Variants in SPATA6 observed in about 807,000 individuals in gnomAD.
SPATA6 encodes spermatogenesis associated 6.
A neutral mutation model predicts 65.3 loss-of-function variants in SPATA6; 56 were observed. That is an observed-to-expected ratio of 0.86 (90% CI 0.69 to 1.07). SPATA6 has a LOEUF of 1.07. SPATA6 is among the 50% of genes least tolerant of loss of function. The pLI is 0.00. For synonymous variants in SPATA6, 199 were observed against 213.2 expected (o/e 0.93, Z 0.58); for missense variants, 590 against 594.8 (o/e 0.99, Z 0.08).
chr1:48,399,082 T>C (rs1650885087), intron 7 of SPATA6: 4 of 336,766 alleles, frequency 1.2e-5, no homozygotes, highest in Admixed American at 4.4e-5. Context: ...AGCGTTATTA[T>C]GCTATCTATT....
At chr1:48,399,314 A>T in intron 7 of SPATA6, 37 bp downstream of exon 7, 1 of 1,571,062 alleles carries the variant, frequency 6.4e-7, no homozygotes, top group Non-Finnish European at 8.6e-7. Flanking sequence ...AAAAAAGCTG[A>T]TCAGTTTCAA....
chr1:48,366,277 C>T lies in SPATA6; in HGVS notation c.910-6507G>A, dbSNP rs536319874. 5.3e-5 allele frequency among the ~76,000 whole-genome samples: 8 copies of T among 152,074 alleles called. No individual in the cohort carries two copies. In the South Asian group the frequency reaches 1.0e-3, roughly 20 times the overall value. ...TCTCTTTTTTGGTTGTGTCTCTGCCCGGCTTTGGTATCAGGATGATGCTGG... is the reference window on the plus strand; with the variant it reads ...TCTCTTTTTTGGTTGTGTCTCTGCCTGGCTTTGGTATCAGGATGATGCTGG... On this transcript the variant is annotated intron_variant, in intron 9 of 12. Coordinates refer to ENST00000371847, the MANE Select transcript of SPATA6 (RefSeq NM_019073.4).
chr1:48,430,424 A>C (rs928067074), intron 3 of SPATA6, among the ~76,000 whole-genome samples: 1 of 152,164 alleles, frequency 6.6e-6, no homozygotes, highest in Non-Finnish European at 1.5e-5. Context: ...TCCCCCGATA[A>C]ATAAAAACTG....
chr1:48,263,678 T>C, the SPATA6 span, among the ~76,000 whole-genome samples: 2 of 152,244 alleles, frequency 1.3e-5, no homozygotes, highest in South Asian at 2.1e-4. Context: ...TTTAGTTCTC[T>C]CCATCCTTTG....
At chr1:48,435,093 G>C (rs1373199625) in intron 3 of SPATA6, among the ~76,000 whole-genome samples, 1 of 151,956 alleles carries the variant, frequency 6.6e-6, no homozygotes, top group Non-Finnish European at 1.5e-5. Flanking sequence ...GGCATATAGG[G>C]TATGAAATAG....
At chr1:48,346,770 G>A (rs1263796780) in intron 11 of SPATA6, among the ~76,000 whole-genome samples, 1 of 152,002 alleles carries the variant, frequency 6.6e-6, no homozygotes, top group Non-Finnish European at 1.5e-5. Flanking sequence ...GGAGGTGAAA[G>A]ATCTCTACAA....
chr1:48,400,143 AC>A (rs1429216809), intron 6 of SPATA6, among the ~76,000 whole-genome samples: 1 of 151,910 alleles, frequency 6.6e-6, no homozygotes, highest in African/African-American at 2.4e-5. Flanking sequence ...TCTGTACAAC[AC>A]AAAAATATAA....
chr1:48,399,256 A>T, intron 7 of SPATA6, 95 bp downstream of exon 7: 1 of 1,343,552 alleles, frequency 7.4e-7, no homozygotes, highest in Non-Finnish European at 1.0e-6. Context: ...AGTATTATTA[A>T]TATAAGCTAG....
intron 3 of SPATA6, among the ~76,000 whole-genome samples, chr1:48,442,975 A>T (rs2148117801): frequency 6.6e-6 from 1 of 152,278 alleles, no homozygotes; most frequent in South Asian, 2.1e-4. Flanking sequence ...TACCATACAA[A>T]AGTCCAACCA....
intron 9 of SPATA6, among the ~76,000 whole-genome samples, chr1:48,380,151 A>C (rs1557640888): frequency 6.6e-6 from 1 of 152,368 alleles, no homozygotes; most frequent in East Asian, 1.9e-4. Flanking sequence ...GAACTCATGC[A>C]AGGTCCTACT....
chr1:48,356,510 C>CTT lies in SPATA6; in HGVS notation c.1095-743_1095-742dup, dbSNP rs910154922. Among the ~76,000 whole-genome samples, 388 of 122,716 alleles carry CTT rather than the reference C, an allele frequency of 3.2e-3. 2 individuals carry two copies. The highest frequency in any genetic ancestry group is 7.4e-3 in the African/African-American group (243 of 32,860). 80.5% of individuals were successfully genotyped at this position (122,716 alleles called of 152,430 possible). ...TTGTTTTCTTCCCAGTTTGTCCTTTCTTTTTTTTTTTTTTTTTTTTTGACA... is the reference window on the plus strand; with the variant it reads ...TTGTTTTCTTCCCAGTTTGTCCTTTCTTTTTTTTTTTTTTTTTTTTTTTGACA... On this transcript the variant is annotated intron_variant, in intron 10 of 12. Transcript: ENST00000371847.
chr1:48,461,768 T>C (rs1212059284), intron 1 of SPATA6, among the ~76,000 whole-genome samples: 5 of 152,170 alleles, frequency 3.3e-5, no homozygotes, highest in African/African-American at 1.2e-4. Flanking sequence ...AGTTCAACCA[T>C]TGTGGATGTC....
chr1:48,347,735 AC>A (rs1467642935), intron 11 of SPATA6, among the ~76,000 whole-genome samples: 2 of 151,818 alleles, frequency 1.3e-5, no homozygotes, highest in Admixed American at 1.3e-4. Flanking sequence ...AGGTAACATC[AC>A]TATTGTGAAA....
the SPATA6 span, among the ~76,000 whole-genome samples, chr1:48,264,507 T>C: frequency 6.6e-6 from 1 of 152,166 alleles, no homozygotes; most frequent in South Asian, 2.1e-4. Context: ...CTCCTAATGC[T>C]ATCCCTCCCC....
chr1:48,292,988 G>A (rs533090496), downstream of SPATA6, among the ~76,000 whole-genome samples: 6 of 152,302 alleles, frequency 3.9e-5, no homozygotes, highest in East Asian at 3.9e-4. Flanking sequence ...GGCCATCTGC[G>A]GTGAAAGCCA....
intron 9 of SPATA6, among the ~76,000 whole-genome samples, chr1:48,369,058 A>G (rs1647137525): frequency 6.6e-6 from 1 of 152,090 alleles, no homozygotes; most frequent in Non-Finnish European, 1.5e-5. Context: ...CTAGAGGTCC[A>G]CTCCACACTG....
At chr1:48,347,060 A>C (rs917071341) in intron 11 of SPATA6, among the ~76,000 whole-genome samples, 6 of 152,116 alleles carry the variant, frequency 3.9e-5, no homozygotes, top group Admixed American at 1.3e-4. Flanking sequence ...ACACAACTTC[A>C]AACTATACTA....
chr1:48,448,674 A>ACGT (rs1306795040), intron 3 of SPATA6, among the ~76,000 whole-genome samples: 1 of 152,234 alleles, frequency 6.6e-6, no homozygotes, highest in Non-Finnish European at 1.5e-5. Flanking sequence ...TGGAAGGGAA[A>ACGT]CATTCCATAC....
intron 3 of SPATA6, among the ~76,000 whole-genome samples, chr1:48,420,242 G>A (rs533997474): frequency 3.3e-5 from 5 of 152,250 alleles, no homozygotes; most frequent in South Asian, 2.1e-4. Context: ...TGGAAGCTCC[G>A]TGCCCCTTCT....
Sources: gnomAD v4.1 joint callset for allele counts (sites outside exome capture counted in the v4.1 genomes callset) on GRCh38, gnomAD v4.1.1 for gene constraint, MANE v1.5 for transcripts, NCBI Gene and HGNC (gene_info 2026-07-23, HGNC 2026-07-21) for gene names.